Variants in RTL4 observed in about 807,000 individuals in gnomAD.
The protein encoded by RTL4 is retrotransposon Gag like 4.
Under a neutral mutation model 5.3 loss-of-function variants are expected in RTL4, and 4 were observed. The ratio of observed to expected loss-of-function variants is 0.75; its 90% CI spans 0.37 to 1.72. The LOEUF is 1.72. Among genes scored for constraint, RTL4 ranks in the 40% most tolerant of loss-of-function variants. The probability of loss-of-function intolerance (pLI) is 0.04; values close to 1 mark genes in which losing one functional copy is unlikely to be tolerated. For synonymous variants in RTL4, 98 were observed against 87.3 expected (o/e 1.12, Z -0.68); for missense variants, 260 against 227.1 (o/e 1.14, Z -0.93).
At chrX:112,250,628 A>G in the RTL4 span, among the ~76,000 whole-genome samples, 1 of 112,243 alleles carries the variant, frequency 8.9e-6, no homozygotes, top group Non-Finnish European at 1.9e-5. Flanking sequence ...ACAGTTGGTA[A>G]TTTTCCCTCT....
the RTL4 span, among the ~76,000 whole-genome samples, chrX:112,257,341 C>T: frequency 9.0e-6 from 1 of 111,402 alleles, no homozygotes; most frequent in Admixed American, 9.6e-5. Flanking sequence ...GATATGTTGA[C>T]AGATTGCTAT....
chrX:112,135,017 A>G, the RTL4 span, among the ~76,000 whole-genome samples: 1 of 112,293 alleles, frequency 8.9e-6, no homozygotes, highest in Non-Finnish European at 1.9e-5. Context: ...GAACATTCAT[A>G]TGCAAATGTT....
At chrX:112,222,639 G>A in the RTL4 span, among the ~76,000 whole-genome samples, 3 of 111,005 alleles carry the variant, frequency 2.7e-5, no homozygotes, top group South Asian at 7.8e-4. Context: ...AGGCTGAGGC[G>A]GGAGGATCAC....
At chrX:112,336,458 C>T in the RTL4 span, among the ~76,000 whole-genome samples, 1 of 111,985 alleles carries the variant, frequency 8.9e-6, no homozygotes, top group Non-Finnish European at 1.9e-5. Flanking sequence ...TTCAATCTCA[C>T]ATTCCTCTTG....
the RTL4 span, among the ~76,000 whole-genome samples, chrX:112,310,990 G>T: frequency 3.4e-4 from 36 of 104,577 alleles, 1 homozygote; most frequent in Admixed American, 3.5e-3. Flanking sequence ...CCTCCTGGGA[G>T]GTATTTTTTC....
At chrX:112,249,839 T>C in the RTL4 span, among the ~76,000 whole-genome samples, 1 of 107,556 alleles carries the variant, frequency 9.3e-6, no homozygotes, top group Middle Eastern at 4.8e-3. Context: ...ACATAATCAG[T>C]CCAATTTTTC....
chrX:112,410,376 C>A, the RTL4 span, among the ~76,000 whole-genome samples: 2 of 111,808 alleles, frequency 1.8e-5, no homozygotes, highest in Admixed American at 9.5e-5. Context: ...CACTGTAGAC[C>A]AAGTGGACCT....
At chrX:112,361,997 A>T in the RTL4 span, among the ~76,000 whole-genome samples, 1 of 111,680 alleles carries the variant, frequency 9.0e-6, no homozygotes, top group Non-Finnish European at 1.9e-5. Context: ...TTATAGACTC[A>T]CTTTTCCCCT....
chrX:112,439,132 A>T, the RTL4 span, among the ~76,000 whole-genome samples: 1 of 111,306 alleles, frequency 9.0e-6, no homozygotes, highest in Non-Finnish European at 1.9e-5. Context: ...TTGAGCCAGC[A>T]CTCATAAGGT....
chrX:112,374,279 T>C, the RTL4 span, among the ~76,000 whole-genome samples: 2 of 111,360 alleles, frequency 1.8e-5, no homozygotes, highest in East Asian at 2.8e-4. Flanking sequence ...ATAACTACCC[T>C]TGACTCAGTG....
chrX:112,194,872 C>T, the RTL4 span, among the ~76,000 whole-genome samples: 22,603 of 111,268 alleles, frequency 0.2, 1,713 homozygotes, highest in Admixed American at 0.24. Context: ...AGCTATAAGC[C>T]ACGGGGTGCT....
the RTL4 span, among the ~76,000 whole-genome samples, chrX:112,291,603 G>C: frequency 9.2e-6 from 1 of 108,640 alleles, no homozygotes; most frequent in Non-Finnish European, 1.9e-5. Flanking sequence ...ATACCCTCTA[G>C]TTCTTTTTTT....
At chrX:112,378,685 A>C in the RTL4 span, among the ~76,000 whole-genome samples, 2 of 112,028 alleles carry the variant, frequency 1.8e-5, no homozygotes, top group African/African-American at 6.5e-5. Context: ...AGCCTTTGTC[A>C]TTGACAACCT....
chrX:112,410,227 A>C, the RTL4 span, among the ~76,000 whole-genome samples: 1 of 112,114 alleles, frequency 8.9e-6, no homozygotes, highest in Middle Eastern at 4.7e-3. Flanking sequence ...CAGATATATA[A>C]AGATATGAAG....
chrX:112,382,183 A>T, the RTL4 span: 18 of 1,195,484 alleles, frequency 1.5e-5, no homozygotes, highest in Non-Finnish European at 1.9e-5. Flanking sequence ...GACCACACCC[A>T]GTCTTCCCCA....
the RTL4 span, among the ~76,000 whole-genome samples, chrX:112,114,263 T>C: frequency 4.5e-5 from 5 of 111,653 alleles, no homozygotes; most frequent in African/African-American, 1.6e-4. Flanking sequence ...CCAGTCCCCA[T>C]GATCTGAGTC....
chrX:112,107,429 T>C, the RTL4 span, among the ~76,000 whole-genome samples: 2 of 112,070 alleles, frequency 1.8e-5, no homozygotes, highest in Non-Finnish European at 3.8e-5. Context: ...TGATATTTTC[T>C]GGTTGCTCAT....
the RTL4 span, among the ~76,000 whole-genome samples, chrX:112,154,383 G>T: frequency 1.7e-4 from 19 of 111,987 alleles, no homozygotes; most frequent in African/African-American, 5.8e-4. Flanking sequence ...ATATGTATAA[G>T]CCATAATTTC....
chrX:112,353,675 G>T, the RTL4 span, among the ~76,000 whole-genome samples: 1 of 109,959 alleles, frequency 9.1e-6, no homozygotes, highest in East Asian at 2.9e-4. Context: ...ACACTCCGGG[G>T]ACTGTTGTGG....
Sources: gnomAD v4.1 joint callset for allele counts (sites outside exome capture counted in the v4.1 genomes callset) on GRCh38, gnomAD v4.1.1 for gene constraint, MANE v1.5 for transcripts, NCBI Gene and HGNC (gene_info 2026-07-23, HGNC 2026-07-21) for gene names.